The following RBFOX1 variants were observed in gnomAD, a reference collection of about 807,000 sequenced individuals.
RBFOX1 encodes the protein RNA binding fox-1 homolog 1.
Under a neutral mutation model 57.7 loss-of-function variants are expected in RBFOX1, and 8 were observed. The ratio of observed to expected loss-of-function variants is 0.14; its 90% confidence interval spans 0.08 to 0.25. RBFOX1 has a LOEUF of 0.25. Among genes scored for constraint, RBFOX1 ranks in the 10% least tolerant of loss-of-function variants. The pLI, the probability that RBFOX1 is intolerant of heterozygous loss-of-function variation, is 1.00. For missense variants in RBFOX1, 611 were observed against 548.5 expected (o/e 1.11, Z -1.14); for synonymous variants, 326 against 222.4 (o/e 1.47, Z -4.15).
intron 1 of RBFOX1, among the ~76,000 whole-genome samples, chr16:5,307,481 C>A (rs947434543): frequency 1.3e-5 from 2 of 152,160 alleles, no homozygotes; most frequent in Non-Finnish European, 2.9e-5. Flanking sequence ...TGGATTCTCT[C>A]TTACCACTTC....
At chr16:6,306,081 G>T (rs751455900) in intron 1 of RBFOX1, among the ~76,000 whole-genome samples, 6 of 152,202 alleles carry the variant, frequency 3.9e-5, no homozygotes, top group Non-Finnish European at 7.3e-5. Context: ...ACTCTGTTGA[G>T]TGCAGAGTAT....
intron 4 of RBFOX1, among the ~76,000 whole-genome samples, chr16:7,086,599 A>G (rs1599080299): frequency 1.3e-5 from 2 of 152,190 alleles, no homozygotes; most frequent in African/African-American, 4.8e-5. Flanking sequence ...CTTTCAGGAA[A>G]TCTTAGCTGT....
intron 3 of RBFOX1, among the ~76,000 whole-genome samples, chr16:5,703,741 G>C (rs1468785804): frequency 1.3e-5 from 2 of 152,070 alleles, no homozygotes; most frequent in Admixed American, 1.3e-4. Flanking sequence ...TGTCAAATGT[G>C]TGTGTATATA....
Position 7,153,472 on chromosome 16 carries a change from C to T in RBFOX1, c.27+101374C>T, listed in dbSNP as rs147147301. Among the ~76,000 whole-genome samples the T allele has an allele frequency of 7.5e-3, 1,146 of 152,036 alleles. 17 individuals carry two copies. The highest frequency in any genetic ancestry group is 0.026 in the African/African-American group (1,080 of 41,450). On this transcript the variant is annotated intron_variant, in intron 4 of 15. Transcript: ENST00000550418. ...CATCTGTTGGCCGGGCAAGGTGGCT[C>T]ACGTCTGTAATCCCAGCACTTTGGG...
chr16:6,873,043 C>A (rs987147986), intron 3 of RBFOX1, among the ~76,000 whole-genome samples: 4 of 151,720 alleles, frequency 2.6e-5, no homozygotes, highest in African/African-American at 9.7e-5. Flanking sequence ...ATATTCTCAG[C>A]ATTTCTGAGG....
chr16:6,831,078 C>G (rs148866318), intron 3 of RBFOX1, among the ~76,000 whole-genome samples: 1 of 152,332 alleles, frequency 6.6e-6, no homozygotes, highest in East Asian at 1.9e-4. Context: ...CAACCTCCAT[C>G]TAAAGTAAAG....
At chr16:7,263,680 G>A (rs1158416576) in intron 4 of RBFOX1, among the ~76,000 whole-genome samples, 4 of 152,070 alleles carry the variant, frequency 2.6e-5, no homozygotes, top group Non-Finnish European at 5.9e-5. Flanking sequence ...TGGATTACAT[G>A]AGGTCAGGAG....
At chr16:7,052,516 T>A (rs2050459492) in intron 4 of RBFOX1, among the ~76,000 whole-genome samples, 1 of 152,194 alleles carries the variant, frequency 6.6e-6, no homozygotes, top group African/African-American at 2.4e-5. Context: ...AAGGAATATG[T>A]CAAGGGCGTT....
chr16:6,796,548 A>G (rs1043235970), intron 3 of RBFOX1, among the ~76,000 whole-genome samples: 3 of 152,182 alleles, frequency 2.0e-5, no homozygotes, highest in Non-Finnish European at 2.9e-5. Flanking sequence ...CTATGAATTC[A>G]CTGCTTAATA....
At chr16:6,439,823 G>A (rs758012217) in intron 2 of RBFOX1, among the ~76,000 whole-genome samples, 22 of 152,054 alleles carry the variant, frequency 1.4e-4, no homozygotes, top group Non-Finnish European at 2.9e-4. Flanking sequence ...GAACCAAGGT[G>A]AGCATCCGAC....
intron 3 of RBFOX1, among the ~76,000 whole-genome samples, chr16:6,966,462 C>T (rs1266671336): frequency 6.6e-6 from 1 of 152,152 alleles, no homozygotes; most frequent in Non-Finnish European, 1.5e-5. Context: ...TGAGCTCATT[C>T]TGCCATCCAC....
chr16:6,270,625 C>T (rs1030025064), intron 1 of RBFOX1, among the ~76,000 whole-genome samples: 1 of 152,060 alleles, frequency 6.6e-6, no homozygotes, highest in African/African-American at 2.4e-5. Flanking sequence ...GGAAGAATAT[C>T]ACAATTATAG....
At chr16:5,593,427 A>G (rs537950134) in intron 2 of RBFOX1, among the ~76,000 whole-genome samples, 3 of 149,448 alleles carry the variant, frequency 2.0e-5, no homozygotes. Context: ...CCACCATGGC[A>G]CATGTATACC....
chr16:6,231,831 G>GTTTTT (rs34438828), intron 1 of RBFOX1, among the ~76,000 whole-genome samples: 10 of 123,598 alleles, frequency 8.1e-5, no homozygotes, highest in African/African-American at 2.0e-4. Context: ...TAGCTTTCCA[G>GTTTTT]TTTTTTTTTT....
chr16:7,077,767 C>G (rs887599319), intron 4 of RBFOX1, among the ~76,000 whole-genome samples: 1 of 152,200 alleles, frequency 6.6e-6, no homozygotes, highest in African/African-American at 2.4e-5. Flanking sequence ...CTGTTAGCAG[C>G]TTTCCCTTGA....
intron 1 of RBFOX1, among the ~76,000 whole-genome samples, chr16:6,189,001 T>C (rs573784907): frequency 1.3e-5 from 2 of 152,198 alleles, no homozygotes; most frequent in Admixed American, 6.5e-5. Context: ...CTGAAATATT[T>C]GAACATGTTT....
chr16:6,794,535 A>T (rs763749976), intron 3 of RBFOX1, among the ~76,000 whole-genome samples: 2 of 152,098 alleles, frequency 1.3e-5, no homozygotes, highest in South Asian at 2.1e-4. Flanking sequence ...GTTCCTAATT[A>T]TTTTAAGTGA....
intron 3 of RBFOX1, among the ~76,000 whole-genome samples, chr16:5,646,165 G>C (rs2049047682): frequency 6.7e-6 from 1 of 149,264 alleles, no homozygotes; most frequent in Non-Finnish European, 1.5e-5. Flanking sequence ...AAGTCGCTGG[G>C]ATTACAGGCA....
intron 4 of RBFOX1, among the ~76,000 whole-genome samples, chr16:7,371,269 T>A (rs1410098292): frequency 6.6e-6 from 1 of 152,244 alleles, no homozygotes; most frequent in Non-Finnish European, 1.5e-5. Context: ...GCCACAGTCC[T>A]ACCACTGAGA....
Sources: gnomAD v4.1 joint callset for allele counts (sites outside exome capture counted in the v4.1 genomes callset) on GRCh38, gnomAD v4.1.1 for gene constraint, MANE v1.5 for transcripts, NCBI Gene and HGNC (gene_info 2026-07-23, HGNC 2026-07-21) for gene names.